Variants in FBXL5 observed in about 807,000 individuals in gnomAD.
FBXL5 encodes the protein F-box/LRR-repeat protein 5.
Under a neutral mutation model 78.3 loss-of-function variants are expected in FBXL5, and 26 were observed. That is an observed-to-expected ratio of 0.33 (90% CI 0.24 to 0.46). The LOEUF is 0.46. Ranked by LOEUF, FBXL5 falls within the 20% of genes least tolerant of loss-of-function variation. The pLI is 1.00. For synonymous variants in FBXL5, 295 were observed against 282.5 expected (o/e 1.04, Z -0.45); for missense variants, 710 against 829.2 (o/e 0.86, Z 1.77).
At chr4:15,656,423 C>T (rs960637441), upstream of FBXL5, 1 of 390,832 alleles carries the variant, frequency 2.6e-6, no homozygotes, top group Non-Finnish European at 5.1e-6. Flanking sequence ...TGGCCAGAAC[C>T]TCCAGGAGGG....
At chr4:15,662,134 C>A (rs1399635605), upstream of FBXL5, among the ~76,000 whole-genome samples, 1 of 150,518 alleles carries the variant, frequency 6.6e-6, no homozygotes, top group Non-Finnish European at 1.5e-5. Flanking sequence ...AACCCCAGTA[C>A]AGTGTGGGAG....
chr4:15,658,605 T>G (rs1717137739), upstream of FBXL5, among the ~76,000 whole-genome samples: 1 of 152,196 alleles, frequency 6.6e-6, no homozygotes, highest in African/African-American at 2.4e-5. Context: ...GCCTTGGGAC[T>G]CTGCAGAGTC....
chr4:15,648,097 T>C (rs530757383), intron 1 of FBXL5, among the ~76,000 whole-genome samples: 3 of 152,322 alleles, frequency 2.0e-5, no homozygotes, highest in Non-Finnish European at 4.4e-5. Context: ...CTTCAAGCGA[T>C]CCTCCTGACT....
chr4:15,661,352 T>C (rs939885486), upstream of FBXL5, among the ~76,000 whole-genome samples: 1 of 152,206 alleles, frequency 6.6e-6, no homozygotes, highest in Non-Finnish European at 1.5e-5. Flanking sequence ...AAAGGGATAG[T>C]GAGTCTCCAG....
At chr4:15,649,201 G>C (rs1248867136) in intron 1 of FBXL5, among the ~76,000 whole-genome samples, 2 of 151,782 alleles carry the variant, frequency 1.3e-5, no homozygotes, top group African/African-American at 4.8e-5. Flanking sequence ...AGTCCTTAAA[G>C]ATACTACCCA....
chr4:15,655,443 C>T, upstream of FBXL5: 1 of 976,234 alleles, frequency 1.0e-6, no homozygotes, highest in Non-Finnish European at 1.2e-6. Flanking sequence ...CGGGGGCGCG[C>T]AGGCCGCCGC....
At chr4:15,629,593 C>T (rs6449153) in intron 6 of FBXL5, among the ~76,000 whole-genome samples, 105,004 of 151,938 alleles carry the variant, frequency 0.69, 36,497 homozygotes, top group East Asian at 0.8. Flanking sequence ...TTTTGTTTTG[C>T]TTTTTTCCAT....
chr4:15,651,381 A>G (rs1716023468), intron 1 of FBXL5, among the ~76,000 whole-genome samples: 1 of 152,232 alleles, frequency 6.6e-6, no homozygotes, highest in African/African-American at 2.4e-5. Flanking sequence ...CTTAACCACT[A>G]AGACTGTTTC....
chr4:15,612,463 G>T, intron 9 of FBXL5, 49 bp from the exon 10 acceptor site: 4 of 1,512,126 alleles, frequency 2.6e-6, no homozygotes, highest in Non-Finnish European at 3.6e-6. Context: ...CTATAAAAAT[G>T]TTTGTATTCC....
intron 9 of FBXL5, among the ~76,000 whole-genome samples, chr4:15,624,625 A>C (rs1028584899): frequency 2.6e-5 from 4 of 151,918 alleles, no homozygotes; most frequent in Non-Finnish European, 5.9e-5. Context: ...AAGTCGGTTT[A>C]ATCTGCTGAA....
intron 1 of FBXL5, among the ~76,000 whole-genome samples, chr4:15,671,321 A>G (rs1284702115): frequency 6.6e-6 from 1 of 152,058 alleles, no homozygotes; most frequent in African/African-American, 2.4e-5. Flanking sequence ...AAGAAATGTA[A>G]CTTCTTACCT....
chr4:15,665,606 C>T (rs777981185), intron 1 of FBXL5, among the ~76,000 whole-genome samples: 4 of 152,166 alleles, frequency 2.6e-5, no homozygotes, highest in Admixed American at 1.3e-4. Flanking sequence ...TTCTTCCCAA[C>T]TCCACTGCCT....
upstream of FBXL5, among the ~76,000 whole-genome samples, chr4:15,658,095 T>A (rs1412842742): frequency 6.6e-6 from 1 of 152,226 alleles, no homozygotes; most frequent in Non-Finnish European, 1.5e-5. Flanking sequence ...TCTATAGTAG[T>A]TTCCAAGCCT....
At chr4:15,633,986 T>G (rs555279652) in intron 5 of FBXL5, among the ~76,000 whole-genome samples, 7 of 152,266 alleles carry the variant, frequency 4.6e-5, no homozygotes, top group African/African-American at 1.7e-4. Flanking sequence ...TAACTGTTTT[T>G]GGGTGCTGTC....
At chr4:15,639,277 T>C (rs982862814) in intron 3 of FBXL5, among the ~76,000 whole-genome samples, 4 of 152,212 alleles carry the variant, frequency 2.6e-5, no homozygotes. Context: ...TTTATAGAAT[T>C]TGTCACTCTT....
chr4:15,670,445 G>T (rs953268012), intron 1 of FBXL5, among the ~76,000 whole-genome samples: 4 of 152,128 alleles, frequency 2.6e-5, no homozygotes, highest in African/African-American at 9.7e-5. Flanking sequence ...GCTTTAATTG[G>T]TGTTACCATC....
Position 15,606,004 on chromosome 4 carries a change from CA to C in FBXL5, c.2000-206del, listed in dbSNP as rs755477269. Among the ~76,000 whole-genome samples the C allele has an allele frequency of 5.9e-5, 9 of 152,144 alleles. No individual in the cohort carries two copies. In the East Asian group the frequency reaches 1.5e-3, roughly 26 times the overall value. On this transcript the variant is annotated intron_variant, in intron 10 of 10. Transcript: ENST00000341285. ...TTTAATTAATATATCCTTCATGGTCCAAAAGGTAAGTGGAAGAAGGGAAAAA... is the reference window on the plus strand; with the variant it reads ...TTTAATTAATATATCCTTCATGGTCCAAAGGTAAGTGGAAGAAGGGAAAAA...
At chr4:15,605,844 T>A in intron 10 of FBXL5, 45 bp from the exon 11 acceptor site, 1 of 1,473,300 alleles carries the variant, frequency 6.8e-7, no homozygotes, top group Non-Finnish European at 9.4e-7. Context: ...TTCTTAGAGA[T>A]CACATAAAAA....
chr4:15,666,010 G>A (rs1717526586), intron 1 of FBXL5, among the ~76,000 whole-genome samples: 2 of 143,930 alleles, frequency 1.4e-5, no homozygotes, highest in African/African-American at 2.6e-5. Context: ...ATTTCCTACT[G>A]ACAACCTTTT....
Sources: allele counts gnomAD v4.1 joint callset (sites outside exome capture counted in the v4.1 genomes callset), GRCh38; gene constraint gnomAD v4.1.1; transcripts MANE v1.5; gene names NCBI Gene and HGNC (gene_info 2026-07-23, HGNC 2026-07-21).